Variants in CNTNAP2 observed in about 807,000 individuals in gnomAD.
The protein encoded by CNTNAP2 is contactin associated protein 2, also known as contactin-associated protein-like 2.
In CNTNAP2, 98 loss-of-function variants were observed where a neutral mutation model predicts 155.2. The ratio of observed to expected loss-of-function variants is 0.63; its 90% CI spans 0.54 to 0.75. CNTNAP2 has a LOEUF of 0.75. CNTNAP2 is among the 30% of genes least tolerant of loss of function. The pLI, the probability that CNTNAP2 is intolerant of heterozygous loss-of-function variation, is 0.00. For synonymous variants in CNTNAP2, 651 were observed against 631.2 expected, an observed-to-expected ratio of 1.03 and a Z score of -0.47; for missense variants, 1,727 against 1,688.1, an observed-to-expected ratio of 1.02 and a Z score of -0.40.
chr7:148,093,725 A>T (rs1803899364), intron 15 of CNTNAP2, among the ~76,000 whole-genome samples: 1 of 152,132 alleles, frequency 6.6e-6, no homozygotes, highest in Admixed American at 6.5e-5. Context: ...CATCATAGAA[A>T]ATTATTTTAA....
chr7:146,677,564 T>C (rs1296393389), intron 1 of CNTNAP2, among the ~76,000 whole-genome samples: 1 of 152,112 alleles, frequency 6.6e-6, no homozygotes, highest in East Asian at 1.9e-4. Context: ...ACATATCCAA[T>C]AGGTAGCCTT....
chr7:148,222,147 T>C (rs997644008), intron 19 of CNTNAP2, among the ~76,000 whole-genome samples: 3 of 152,308 alleles, frequency 2.0e-5, no homozygotes, highest in Non-Finnish European at 4.4e-5. Flanking sequence ...TCCCAATCCA[T>C]CTCTCTGCTT....
chr7:146,919,744 A>G (rs1413399086), intron 3 of CNTNAP2, among the ~76,000 whole-genome samples: 2 of 152,172 alleles, frequency 1.3e-5, no homozygotes, highest in Non-Finnish European at 2.9e-5. Flanking sequence ...CGGGGCATAC[A>G]GCTCCCAAGA....
At chr7:146,747,719 C>T (rs1186544328) in intron 1 of CNTNAP2, among the ~76,000 whole-genome samples, 3 of 152,130 alleles carry the variant, frequency 2.0e-5, no homozygotes, top group African/African-American at 4.8e-5. Context: ...TAAGTGTGAG[C>T]TCTGAATTAC....
chr7:146,695,958 G>T (rs951313846), intron 1 of CNTNAP2, among the ~76,000 whole-genome samples: 18 of 152,058 alleles, frequency 1.2e-4, no homozygotes, highest in African/African-American at 4.3e-4. Context: ...TTGTCTTGAA[G>T]ATTTTTGCAT....
chr7:146,639,648 T>C (rs1005898251), intron 1 of CNTNAP2, among the ~76,000 whole-genome samples: 3 of 152,172 alleles, frequency 2.0e-5, no homozygotes, highest in Non-Finnish European at 4.4e-5. Context: ...GGGAGTGGAG[T>C]TGATCTGAGT....
intron 20 of CNTNAP2, among the ~76,000 whole-genome samples, chr7:148,247,568 C>G (rs906827223): frequency 1.3e-5 from 2 of 151,002 alleles, no homozygotes; most frequent in African/African-American, 4.9e-5. Context: ...GTTATCTATG[C>G]TTGCTGTTTC....
chr7:146,480,838 G>A (rs1796949857), intron 1 of CNTNAP2, among the ~76,000 whole-genome samples: 1 of 151,146 alleles, frequency 6.6e-6, no homozygotes, highest in South Asian at 2.1e-4. Flanking sequence ...GCCCATCACC[G>A]CGCCCGGCTA....
chr7:147,819,038 C>T (rs1798320797), intron 13 of CNTNAP2, among the ~76,000 whole-genome samples: 1 of 152,130 alleles, frequency 6.6e-6, no homozygotes, highest in African/African-American at 2.4e-5. Context: ...CTCTGTTCTA[C>T]AGAGCAATTT....
intron 8 of CNTNAP2, among the ~76,000 whole-genome samples, chr7:147,235,029 G>C (rs746950959): frequency 6.6e-6 from 1 of 152,116 alleles, no homozygotes; most frequent in Non-Finnish European, 1.5e-5. Flanking sequence ...TTTTGTGAGG[G>C]TGTTTCCTGA....
chr7:147,470,670 G>A (rs4725730), intron 10 of CNTNAP2, among the ~76,000 whole-genome samples: 118,519 of 152,016 alleles, frequency 0.78, 46,570 homozygotes, highest in African/African-American at 0.87. Context: ...TGCCTGAAAA[G>A]CCAGAAGAAT....
intron 11 of CNTNAP2, among the ~76,000 whole-genome samples, chr7:147,505,586 T>C (rs1049839271): frequency 4.6e-5 from 7 of 152,204 alleles, no homozygotes; most frequent in African/African-American, 1.7e-4. Context: ...ACAGAAACAA[T>C]GCAAAAGAGC....
chr7:146,571,570 T>C (rs1386312886), intron 1 of CNTNAP2, among the ~76,000 whole-genome samples: 3 of 152,154 alleles, frequency 2.0e-5, no homozygotes, highest in Non-Finnish European at 4.4e-5. Context: ...CTGAGCTCTA[T>C]ACCAGCCTCT....
At chr7:147,416,249 C>T (rs1797191738) in intron 10 of CNTNAP2, among the ~76,000 whole-genome samples, 1 of 152,162 alleles carries the variant, frequency 6.6e-6, no homozygotes, top group Non-Finnish European at 1.5e-5. Flanking sequence ...AGAACATTCC[C>T]ATGATTAAGG....
chr7:146,607,143 A>C (rs1799061694), intron 1 of CNTNAP2, among the ~76,000 whole-genome samples: 1 of 152,228 alleles, frequency 6.6e-6, no homozygotes, highest in South Asian at 2.1e-4. Context: ...TGGGTCAGTC[A>C]GTACTACAGG....
intron 9 of CNTNAP2, among the ~76,000 whole-genome samples, chr7:147,309,708 A>G (rs998109355): frequency 6.6e-6 from 1 of 152,106 alleles, no homozygotes; most frequent in African/African-American, 2.4e-5. Context: ...ATTTTATGCA[A>G]TGTTCCTCAT....
At chr7:146,611,866 C>T (rs1014618759) in intron 1 of CNTNAP2, among the ~76,000 whole-genome samples, 1 of 152,086 alleles carries the variant, frequency 6.6e-6, no homozygotes, top group African/African-American at 2.4e-5. Context: ...ATGGATTGTC[C>T]ACAGGCCAAA....
At chr7:148,362,821 A>G (rs1201478264) in intron 21 of CNTNAP2, among the ~76,000 whole-genome samples, 1 of 152,210 alleles carries the variant, frequency 6.6e-6, no homozygotes, top group Non-Finnish European at 1.5e-5. Flanking sequence ...CAGAATACAT[A>G]CACAGATGGT....
At chr7:147,735,290 A>G (rs1168672711) in intron 13 of CNTNAP2, among the ~76,000 whole-genome samples, 3 of 152,202 alleles carry the variant, frequency 2.0e-5, no homozygotes, top group African/African-American at 7.2e-5. Flanking sequence ...CTTAGTAGTC[A>G]TTCAGGAGCA....
Sources: gnomAD v4.1 joint callset for allele counts (sites outside exome capture counted in the v4.1 genomes callset) on GRCh38, gnomAD v4.1.1 for gene constraint, MANE v1.5 for transcripts, NCBI Gene and HGNC (gene_info 2026-07-23, HGNC 2026-07-21) for gene names.